The following PRXL2A variants were observed in gnomAD, a reference collection of about 807,000 sequenced individuals.
PRXL2A encodes peroxiredoxin like 2A, also known as peroxiredoxin-like 2A.
Under a neutral mutation model 25.6 loss-of-function variants are expected in PRXL2A, and 26 were observed. That is an observed-to-expected ratio of 1.02 (90% confidence interval 0.74 to 1.41). PRXL2A has a LOEUF of 1.41. PRXL2A is among the 40% of genes most tolerant of loss of function. PRXL2A has a pLI of 0.00. For missense variants in PRXL2A, 246 were observed against 273.9 expected, an observed-to-expected ratio of 0.90 and a Z score of 0.72; for synonymous variants, 98 against 102.9, an observed-to-expected ratio of 0.95 and a Z score of 0.29.
intron 1 of PRXL2A, 197 bp from the exon 2 acceptor site, chr10:80,420,269 A>G (rs531650637): frequency 9.8e-6 from 13 of 1,331,624 alleles, no homozygotes; most frequent in Middle Eastern, 2.8e-4. Flanking sequence ...AGGAACCTCC[A>G]TGTGTGTGCT....
intron 4 of PRXL2A, 112 bp from the exon 5 acceptor site, chr10:80,427,220 G>A: frequency 4.9e-6 from 4 of 813,784 alleles, no homozygotes; most frequent in Non-Finnish European, 7.9e-6. Flanking sequence ...ACTGGAACCA[G>A]CAGCCTTTTG....
chr10:80,413,885 C>G, intron 1 of PRXL2A: 2 of 1,244,330 alleles, frequency 1.6e-6, no homozygotes, highest in African/African-American at 1.6e-5. Context: ...TGGTGAGTGC[C>G]TTGTTCCCAA....
At chr10:80,413,731 G>A (rs777156574) in intron 1 of PRXL2A, 2 of 488,670 alleles carry the variant, frequency 4.1e-6, no homozygotes, top group Middle Eastern at 8.3e-4. Context: ...AGGGTTTCTG[G>A]GTGGCCTGGT....
At chr10:80,417,746 CTTTTTTTTTTTG>C (rs1844713346) in intron 1 of PRXL2A, among the ~76,000 whole-genome samples, 1 of 119,324 alleles carries the variant, frequency 8.4e-6, no homozygotes, top group Non-Finnish European at 1.6e-5. Context: ...TCTTCTTCAT[CTTTTTTTTTTTG>C]TTTTTTTTTT....
intron 2 of PRXL2A, 66 bp from the exon 3 acceptor site, chr10:80,422,351 A>G (rs925520306): frequency 6.1e-6 from 8 of 1,322,262 alleles, no homozygotes; most frequent in Non-Finnish European, 8.7e-6. Context: ...AGTGTGGTTC[A>G]TGAGCTGCTT....
At chr10:80,417,249 A>G (rs1589553874) in intron 1 of PRXL2A, among the ~76,000 whole-genome samples, 1 of 152,272 alleles carries the variant, frequency 6.6e-6, no homozygotes, top group Non-Finnish European at 1.5e-5. Context: ...ATAATTAGAT[A>G]TAGGGAGTAT....
chr10:80,413,436 C>T (rs929307685), intron 1 of PRXL2A, among the ~76,000 whole-genome samples: 1 of 152,076 alleles, frequency 6.6e-6, no homozygotes, highest in Non-Finnish European at 1.5e-5. Flanking sequence ...CTTTCCAGGC[C>T]TGGGGTGAGG....
intron 4 of PRXL2A, among the ~76,000 whole-genome samples, chr10:80,427,100 G>A (rs1198116155): frequency 2.7e-5 from 4 of 149,050 alleles, no homozygotes; most frequent in Non-Finnish European, 4.4e-5. Flanking sequence ...CTGAGATCGC[G>A]CCGTTGTACT....
At chr10:80,425,815 G>GGCCCACA in intron 3 of PRXL2A, 51 bp from the exon 4 acceptor site, 1 of 1,610,000 alleles carries the variant, frequency 6.2e-7, no homozygotes, top group Non-Finnish European at 8.5e-7. Flanking sequence ...CCTATGTGGA[G>GGCCCACA]GCCCACAGCC....
intron 1 of PRXL2A, among the ~76,000 whole-genome samples, chr10:80,410,253 A>G (rs1329703232): frequency 6.6e-6 from 1 of 152,274 alleles, no homozygotes; most frequent in Non-Finnish European, 1.5e-5. Flanking sequence ...GGTTCTGTGC[A>G]GAGAGCCAGC....
chr10:80,421,205 G>T (rs1012245214), intron 2 of PRXL2A, among the ~76,000 whole-genome samples: 2 of 152,160 alleles, frequency 1.3e-5, no homozygotes, highest in African/African-American at 4.8e-5. Flanking sequence ...AGAAGCTGTG[G>T]TGTCTGAGGA....
Position 80,432,018 on chromosome 10 carries a change from T to C in PRXL2A, c.609T>C (p.Phe203=). 1 of 1,611,874 alleles carries C rather than the reference T, an allele frequency of 6.2e-7. No homozygotes were observed. Among genetic ancestry groups the C allele is most frequent in the Non-Finnish European group, 8.5e-7 (1 of 1,179,316 alleles). Residue 203 remains phenylalanine (F), a synonymous_variant, in exon 6 of 6, where the codon TTT becomes TTC. Transcript: ENST00000606162. ...GILLEHREKE[F]GDKVNLLSVL... is the part of the protein sequence containing the mutation. ...TTCTTGAGCACCGAGAAAAAGAATT[T>C]GGAGACAAAGTAAACCTACTTTCTG...
At position 80,433,402 on chromosome 10, in the gene PRXL2A, CTG is replaced by C. The variant is rs1420375931; in HGVS notation, c.*1304_*1305del. 6.6e-6 allele frequency: 1 copy of C among 152,258 alleles called. No homozygotes were observed. The highest frequency in any genetic ancestry group is 1.5e-5 in the Non-Finnish European group (1 of 68,096). The allele number at this position is 152,258 out of a possible 1,614,324, so 9.4% of individuals were successfully genotyped here. On this transcript the variant is annotated 3_prime_UTR_variant, in exon 6 of 6. Transcript: ENST00000606162. The stretch of plus-strand genomic sequence containing the variant: ...CAGGGAGTCTACTCAAGGCATCAAA[CTG>C]GCCCAGGAGTAGAAAGGTGGGGGTG...
Position 80,427,417 on chromosome 10 carries a change from G to A in PRXL2A, c.497G>A (p.Trp166Ter), listed in dbSNP as rs1375955042. 1.2e-6 allele frequency: 2 copies of A among 1,614,118 alleles called. No homozygotes were observed. Among genetic ancestry groups the A allele is most frequent in the Non-Finnish European group, 8.5e-7 (1 of 1,180,010 alleles). ...LGVWYNFFRAWNGGFSGNLEG... is the reference protein window; with the variant it reads ...LGVWYNFFRA Reference sequence around the variant, plus strand: ...GTGTGGTACAACTTCTTCCGAGCCTGGAACGGAGGCTTCTCTGGAAACCTG... The same window carrying A: ...GTGTGGTACAACTTCTTCCGAGCCTAGAACGGAGGCTTCTCTGGAAACCTG... Residue 166 changes from tryptophan (W) to a stop codon, truncating the protein, a stop_gained, in exon 5 of 6, where the codon TGG becomes TAG. Transcript: ENST00000606162. LOFTEE classifies it high-confidence loss of function.
rs2131926376 is a variant in PRXL2A at position 80,435,504 on chromosome 10, G to T, written c.*3405G>T. 1 of 152,098 alleles carries T rather than the reference G, an allele frequency of 6.6e-6. No homozygotes were observed. Among genetic ancestry groups the T allele is most frequent in the East Asian group, 1.9e-4 (1 of 5,170 alleles). The allele number at this position is 152,098 out of a possible 1,614,324, so 9.4% of individuals were successfully genotyped here. On this transcript the variant is annotated 3_prime_UTR_variant, in exon 6 of 6. Coordinates refer to ENST00000606162, the MANE Select transcript of PRXL2A (RefSeq NM_032333.5). The stretch of plus-strand genomic sequence containing the variant: ...CTTTTTTTTTTTCTTTATGTACAGG[G>T]TCTTGCTCTGTCACCTAGGCTAGAG...
chr10:80,408,171 A>C (rs1212996591), upstream of PRXL2A, among the ~76,000 whole-genome samples: 1 of 125,272 alleles, frequency 8.0e-6, no homozygotes, highest in Non-Finnish European at 1.7e-5. Flanking sequence ...ATGGAGGTTA[A>C]AAAAAAAAAA....
At chr10:80,425,183 C>T (rs58411552) in intron 3 of PRXL2A, among the ~76,000 whole-genome samples, 12,339 of 152,208 alleles carry the variant, frequency 0.081, 493 homozygotes, top group African/African-American at 0.1. Context: ...GAAGCTTTAC[C>T]ATGACTCATG....
Position 80,420,460 on chromosome 10 carries a change from C to G in PRXL2A, c.-2-6C>G. On this transcript the variant is annotated splice_polypyrimidine_tract_variant and splice_region_variant and intron_variant, in intron 1 of 5. Transcript: ENST00000606162. ...TAACGCCTTCTTCCTTCTTCTCAATCTCCAGAAATGTCTTTCCTCCAGGAC... is the reference window on the plus strand; with the variant it reads ...TAACGCCTTCTTCCTTCTTCTCAATGTCCAGAAATGTCTTTCCTCCAGGAC... The G allele has an allele frequency of 6.4e-7, 1 of 1,566,340 alleles. No homozygotes were observed. The highest frequency in any genetic ancestry group is 1.2e-5 in the South Asian group (1 of 84,522).
In PRXL2A at chr10:80,427,314, G is replaced by T. The variant is rs746523364; in HGVS notation, c.412-18G>T. On this transcript the variant is annotated intron_variant, in intron 4 of 5. Coordinates refer to ENST00000606162, the MANE Select transcript of PRXL2A (RefSeq NM_032333.5). The stretch of plus-strand genomic sequence containing the variant: ...CATGTAGAGTACTCATATGGGATCT[G>T]TCTTTCTCACTCCATAGAAAAAGTT... The T allele has an allele frequency of 5.6e-6, 9 of 1,612,486 alleles. No individual in the cohort carries two copies. In the Admixed American group the frequency reaches 8.3e-5, roughly 15 times the overall value.
Sources: allele counts gnomAD v4.1 joint callset (sites outside exome capture counted in the v4.1 genomes callset), GRCh38; gene constraint gnomAD v4.1.1; transcripts MANE v1.5; gene names NCBI Gene and HGNC (gene_info 2026-07-23, HGNC 2026-07-21).